Variants in C16orf46 observed in about 807,000 individuals in gnomAD.
C16orf46 encodes uncharacterized protein C16orf46.
A neutral mutation model predicts 5.5 loss-of-function variants in C16orf46; 7 were observed. The observed-to-expected ratio is 1.28, with a 90% CI of 0.73 to 2.40. C16orf46 has a LOEUF of 2.40. C16orf46 is among the 30% of genes most tolerant of loss of function. C16orf46 has a pLI of 0.00. For synonymous variants in C16orf46, 200 were observed against 184.1 expected, an observed-to-expected ratio of 1.09 and a Z score of -0.70; for missense variants, 614 against 476.0, an observed-to-expected ratio of 1.29 and a Z score of -2.70.
intron 3 of C16orf46, among the ~76,000 whole-genome samples, chr16:81,062,426 C>G (rs1477393050): frequency 6.6e-6 from 1 of 152,136 alleles, no homozygotes; most frequent in East Asian, 1.9e-4. Flanking sequence ...CTAGCAAGAG[C>G]ATTTGTTAAT....
chr16:81,061,167 G>A lies in C16orf46; in HGVS notation c.1182C>T (p.Ile394=). 6.2e-7 allele frequency: 1 copy of A among 1,604,608 alleles called. No individual in the cohort carries two copies. Among genetic ancestry groups the A allele is most frequent in the South Asian group, 1.1e-5 (1 of 90,242 alleles). ...GGGGTTCTACCGCAACCGCTCAGAG[G>A]ATCCTGTGGGTAGAGACAGGAATGA... ...RVIIPVSTHR[I]L is the part of the protein sequence containing the mutation. Residue 394 remains isoleucine (I), a synonymous_variant, in exon 4 of 4, where the codon ATC becomes ATT. Transcript: ENST00000299578.
chr16:81,067,688 G>A (rs1971695184), intron 1 of C16orf46, among the ~76,000 whole-genome samples: 2 of 152,108 alleles, frequency 1.3e-5, no homozygotes, highest in Admixed American at 6.6e-5. Context: ...GAGTAGCTGG[G>A]ATTACAGGCG....
In C16orf46 at chr16:81,054,133, C is replaced by G. The variant is rs188663962; in HGVS notation, c.1144-39G>C. Reference sequence around the variant, plus strand: ...TTTAATGACTTCAGAAAATGTAGAGCCCATGCTGCAATGAAAATGTGGCAG... The same window carrying G: ...TTTAATGACTTCAGAAAATGTAGAGGCCATGCTGCAATGAAAATGTGGCAG... On this transcript the variant is annotated intron_variant, in intron 3 of 3. Coordinates refer to the C16orf46 transcript ENST00000378611. The G allele has an allele frequency of 1.0e-5, 16 of 1,594,630 alleles. 1 individual carries two copies. The South Asian group carries it at 1.8e-4, about 18-fold the overall frequency.
downstream of C16orf46, among the ~76,000 whole-genome samples, chr16:81,059,792 ATT>A (rs113907225): frequency 2.1e-5 from 3 of 143,986 alleles, no homozygotes; most frequent in South Asian, 2.2e-4. Flanking sequence ...TCCCAAAAAG[ATT>A]TTTTTTTTTT....
chr16:81,068,565 A>ATTTTTTTTTT lies in C16orf46; in HGVS notation c.-127-2294_-127-2285dup. On this transcript the variant is annotated intron_variant, in intron 1 of 3. Transcript: ENST00000299578. ...AGAAAGGGCCTTTGTATTTCTTTGT[A>ATTTTTTTTTT]TTTTTTTTTTTTTTTTTTGAGATGG... Among the ~76,000 whole-genome samples the ATTTTTTTTTT allele has an allele frequency of 1.5e-5, 2 of 131,338 alleles. 1 individual carries two copies. Among genetic ancestry groups the ATTTTTTTTTT allele is most frequent in the Non-Finnish European group, 3.1e-5 (2 of 63,660 alleles). 86.2% of individuals were successfully genotyped at this position (131,338 alleles called of 152,430 possible).
chr16:81,069,153 G>A (rs150666586), intron 1 of C16orf46, among the ~76,000 whole-genome samples: 154 of 152,270 alleles, frequency 1.0e-3, no homozygotes, highest in African/African-American at 3.6e-3. Context: ...TAGGACTCAA[G>A]CTGCCAGGCT....
chr16:81,060,802 T>G, downstream of C16orf46: 2 of 240,712 alleles, frequency 8.3e-6, no homozygotes, highest in East Asian at 1.0e-4. Context: ...GCGGCCAGCA[T>G]GGAGGGAAGG....
rs568298638 is a variant in C16orf46 at position 81,055,766 on chromosome 16, C to T, written c.1144-1672G>A. Among the ~76,000 whole-genome samples, 56 of 152,288 alleles carry T rather than the reference C, an allele frequency of 3.7e-4. No homozygotes were observed. The South Asian group carries it at 5.6e-3, about 15-fold the overall frequency. On this transcript the variant is annotated intron_variant, in intron 3 of 3. Coordinates refer to the C16orf46 transcript ENST00000378611. ...ACGGACTGTCGCTCTGTCACCCAAGCTGGAGTGCAGTGTTGGAATCTCAGC... is the reference window on the plus strand; with the variant it reads ...ACGGACTGTCGCTCTGTCACCCAAGTTGGAGTGCAGTGTTGGAATCTCAGC...
chr16:81,058,853 C>T (rs1434905557), downstream of C16orf46, among the ~76,000 whole-genome samples: 1 of 152,108 alleles, frequency 6.6e-6, no homozygotes, highest in Non-Finnish European at 1.5e-5. Context: ...ATATTTTCCA[C>T]CTAGTACTTC....
At chr16:81,054,520 G>GATATAT (rs368793022) in intron 3 of C16orf46, among the ~76,000 whole-genome samples, 2,175 of 151,450 alleles carry the variant, frequency 0.014, 51 homozygotes, top group African/African-American at 0.049. Context: ...TTGGTAACGT[G>GATATAT]ATATATATAT....
At chr16:81,071,261 G>A (rs1274323331) in intron 1 of C16orf46, among the ~76,000 whole-genome samples, 1 of 152,198 alleles carries the variant, frequency 6.6e-6, no homozygotes, top group East Asian at 1.9e-4. Context: ...TCATGGGGAA[G>A]CTCCAAGTGG....
At chr16:81,076,643 GCAAGT>G in intron 1 of C16orf46, 1 of 152,694 alleles carries the variant, frequency 6.5e-6, no homozygotes, top group Non-Finnish European at 1.5e-5. Flanking sequence ...ACAGCAAAGC[GCAAGT>G]CATCAAACAC....
chr16:81,062,399 T>C (rs1205869732), intron 3 of C16orf46, among the ~76,000 whole-genome samples: 2 of 152,244 alleles, frequency 1.3e-5, no homozygotes, highest in African/African-American at 4.8e-5. Flanking sequence ...TGTAATAGTA[T>C]TTGTTAATCC....
chr16:81,065,247 T>G (rs1308188477), intron 2 of C16orf46, among the ~76,000 whole-genome samples: 1 of 151,868 alleles, frequency 6.6e-6, no homozygotes, highest in African/African-American at 2.4e-5. Flanking sequence ...CCGAGCTGGG[T>G]GGATCATTTG....
chr16:81,055,647 T>C (rs1971273523), intron 3 of C16orf46, among the ~76,000 whole-genome samples: 2 of 152,150 alleles, frequency 1.3e-5, no homozygotes, highest in South Asian at 4.1e-4. Flanking sequence ...TGAGCTGTGA[T>C]GGTACCACTG....
intron 1 of C16orf46, among the ~76,000 whole-genome samples, chr16:81,067,955 A>C (rs537540690): frequency 6.6e-6 from 1 of 152,370 alleles, no homozygotes; most frequent in African/African-American, 2.4e-5. Flanking sequence ...AGTTTTATAA[A>C]AGTGATTTAG....
chr16:81,068,730 C>T (rs1436998977), intron 1 of C16orf46, among the ~76,000 whole-genome samples: 2 of 151,664 alleles, frequency 1.3e-5, no homozygotes, highest in Non-Finnish European at 2.9e-5. Flanking sequence ...TAGACCAAGT[C>T]TCGCTCTGTC....
At position 81,061,757 on chromosome 16, in the gene C16orf46, A is replaced by AT. The variant is rs1298923001; in HGVS notation, c.591_592insA (p.Ser198IlefsTer30). ...CTGGAAGTCAGGGGGCCTGGGATGG[A>AT]CAGCCCTCTGTGGGCCCCTCCACTG... On this transcript the variant is annotated frameshift_variant, in exon 4 of 4. Transcript: ENST00000299578. LOFTEE classifies it low-confidence loss of function (END_TRUNC). The AT allele has an allele frequency of 1.2e-6, 2 of 1,613,872 alleles. No homozygotes were observed. The highest frequency in any genetic ancestry group is 2.2e-5 in the South Asian group (2 of 91,070).
intron 3 of C16orf46, among the ~76,000 whole-genome samples, chr16:81,055,698 A>C (rs1231838590): frequency 6.6e-6 from 1 of 152,166 alleles, no homozygotes; most frequent in Non-Finnish European, 1.5e-5. Context: ...GCCTCAAAAA[A>C]TAAAATAAGT....
Sources: allele counts gnomAD v4.1 joint callset (sites outside exome capture counted in the v4.1 genomes callset), GRCh38; gene constraint gnomAD v4.1.1; transcripts MANE v1.5; gene names NCBI Gene and HGNC (gene_info 2026-07-23, HGNC 2026-07-21).